GPC6: variants seen among roughly 807,000 people sequenced by gnomAD.
The protein encoded by GPC6 is glypican-6.
A neutral mutation model predicts 55.2 loss-of-function variants in GPC6; 14 were observed. The observed-to-expected ratio is 0.25, with a 90% CI of 0.17 to 0.40. The LOEUF (loss-of-function observed/expected upper bound fraction) is 0.40. Among genes scored for constraint, GPC6 ranks in the 10% least tolerant of loss-of-function variants. The pLI, the probability that GPC6 is intolerant of heterozygous loss-of-function variation, is 1.00. For synonymous variants in GPC6, 278 were observed against 259.6 expected (o/e 1.07, Z -0.68); for missense variants, 641 against 708.5 (o/e 0.90, Z 1.08).
intron 1 of GPC6, among the ~76,000 whole-genome samples, chr13:93,429,165 G>A (rs983232047): frequency 2.0e-5 from 3 of 152,052 alleles, no homozygotes. Context: ...TTCTGCTAAT[G>A]AACAAGCCAA....
chr13:93,759,381 C>T (rs1320303521), intron 2 of GPC6, among the ~76,000 whole-genome samples: 1 of 152,158 alleles, frequency 6.6e-6, no homozygotes. Context: ...CCTATGTCAG[C>T]ATTGAAGGAT....
intron 4 of GPC6, among the ~76,000 whole-genome samples, chr13:94,070,483 A>T (rs554703844): frequency 1.3e-5 from 2 of 152,274 alleles, no homozygotes; most frequent in Admixed American, 6.5e-5. Flanking sequence ...AGAACATGTT[A>T]ATTAAAATAT....
At chr13:93,479,197 G>C (rs1014006117) in intron 1 of GPC6, among the ~76,000 whole-genome samples, 1 of 152,140 alleles carries the variant, frequency 6.6e-6, no homozygotes, top group African/African-American at 2.4e-5. Context: ...TGTGAATTTA[G>C]CATTTATCTC....
At chr13:93,386,779 G>A (rs187391970) in intron 1 of GPC6, among the ~76,000 whole-genome samples, 1 of 152,186 alleles carries the variant, frequency 6.6e-6, no homozygotes, top group African/African-American at 2.4e-5. Flanking sequence ...TCAAGGTGTG[G>A]GCAGGACTGA....
At chr13:93,765,075 A>C (rs1225678304) in intron 2 of GPC6, among the ~76,000 whole-genome samples, 1 of 152,220 alleles carries the variant, frequency 6.6e-6, no homozygotes, top group East Asian at 1.9e-4. Context: ...CTGGGATTAC[A>C]GGCGTGAGCC....
At chr13:93,891,989 T>G (rs1290707972) in intron 3 of GPC6, among the ~76,000 whole-genome samples, 1 of 152,056 alleles carries the variant, frequency 6.6e-6, no homozygotes, top group East Asian at 1.9e-4. Flanking sequence ...GTGTATTGTA[T>G]ATGTTTTTAA....
intron 1 of GPC6, among the ~76,000 whole-genome samples, chr13:93,479,432 C>G (rs1879415319): frequency 6.6e-6 from 1 of 152,102 alleles, no homozygotes; most frequent in Non-Finnish European, 1.5e-5. Flanking sequence ...ACAGAGGACA[C>G]AAAGATGATC....
intron 1 of GPC6, among the ~76,000 whole-genome samples, chr13:93,515,686 T>A (rs1881162223): frequency 6.6e-6 from 1 of 152,184 alleles, no homozygotes; most frequent in Non-Finnish European, 1.5e-5. Flanking sequence ...ATATATTCAT[T>A]CTTACTAGTC....
intron 4 of GPC6, among the ~76,000 whole-genome samples, chr13:94,142,828 C>CTT (rs766504929): frequency 6.9e-6 from 1 of 145,578 alleles, no homozygotes; most frequent in Non-Finnish European, 1.5e-5. Flanking sequence ...TGGACGGCTA[C>CTT]TTTTTTTTTT....
At position 93,386,941 on chromosome 13, in the gene GPC6, G is replaced by A. The variant is rs555313381; in HGVS notation, c.161-158322G>A. On this transcript the variant is annotated intron_variant, in intron 1 of 8. Coordinates refer to ENST00000377047, the MANE Select transcript of GPC6 (RefSeq NM_005708.5). ...CGTGTGTCTTCTTCTGTCCTTTTCT[G>A]TCACTTATGAGGGCATTCTCATTGG... Among the ~76,000 whole-genome samples the A allele has an allele frequency of 7.2e-5, 11 of 152,166 alleles. No homozygotes were observed. The South Asian group carries it at 2.1e-3, about 29-fold the overall frequency.
At chr13:94,303,066 T>C (rs1313049520) in intron 5 of GPC6, among the ~76,000 whole-genome samples, 4 of 152,160 alleles carry the variant, frequency 2.6e-5, no homozygotes, top group African/African-American at 9.6e-5. Flanking sequence ...CAGCAGTGGG[T>C]CTGCAACGGC....
intron 3 of GPC6, among the ~76,000 whole-genome samples, chr13:93,895,305 A>T (rs1027920446): frequency 5.6e-5 from 8 of 143,416 alleles, no homozygotes; most frequent in African/African-American, 2.1e-4. Context: ...AATTTATAGT[A>T]TGAACCCTGC....
chr13:93,886,758 TTG>T (rs1491038088), intron 3 of GPC6, among the ~76,000 whole-genome samples: 74 of 148,384 alleles, frequency 5.0e-4, no homozygotes, highest in African/African-American at 1.6e-3. Flanking sequence ...CATTTTTTTT[TTG>T]TTTTTTTTTT....
intron 2 of GPC6, among the ~76,000 whole-genome samples, chr13:93,749,886 A>G (rs897094196): frequency 6.6e-6 from 1 of 152,160 alleles, no homozygotes; most frequent in Non-Finnish European, 1.5e-5. Context: ...TGGAGAAAAT[A>G]TTGAAAACTG....
chr13:94,225,668 C>CATATATATATATAT (rs1355465459), intron 4 of GPC6, among the ~76,000 whole-genome samples: 1 of 97,492 alleles, frequency 1.0e-5, no homozygotes, highest in African/African-American at 3.6e-5. Flanking sequence ...GTAAAGTATA[C>CATATATATATATAT]ACATATATAT....
At chr13:94,248,753 C>T (rs771821953) in intron 4 of GPC6, among the ~76,000 whole-genome samples, 13 of 151,828 alleles carry the variant, frequency 8.6e-5, no homozygotes, top group East Asian at 1.9e-4. Flanking sequence ...TCACACACAT[C>T]GCCAGCCTGT....
intron 3 of GPC6, among the ~76,000 whole-genome samples, chr13:94,025,104 A>G (rs1384649099): frequency 6.6e-6 from 1 of 152,240 alleles, no homozygotes; most frequent in Non-Finnish European, 1.5e-5. Flanking sequence ...AGGTTCTAAT[A>G]CCAGAACACT....
chr13:93,636,485 G>A (rs1382639817), intron 2 of GPC6, among the ~76,000 whole-genome samples: 1 of 152,156 alleles, frequency 6.6e-6, no homozygotes, highest in Non-Finnish European at 1.5e-5. Context: ...CATGTGAGGG[G>A]CACTGTTTCT....
At chr13:94,214,500 G>T (rs1481744523) in intron 4 of GPC6, among the ~76,000 whole-genome samples, 6 of 151,978 alleles carry the variant, frequency 3.9e-5, no homozygotes, top group Non-Finnish European at 7.4e-5. Flanking sequence ...TATTTGAACT[G>T]GAGTTACCTA....
Sources: gnomAD v4.1 joint callset for allele counts (sites outside exome capture counted in the v4.1 genomes callset) on GRCh38, gnomAD v4.1.1 for gene constraint, MANE v1.5 for transcripts, NCBI Gene and HGNC (gene_info 2026-07-23, HGNC 2026-07-21) for gene names.